MEGF11: variants seen among roughly 807,000 people sequenced by gnomAD.
MEGF11 encodes multiple EGF like domains 11, also known as multiple epidermal growth factor-like domains protein 11.
Under a neutral mutation model 146.6 loss-of-function variants are expected in MEGF11, and 126 were observed. That is an observed-to-expected ratio of 0.86 (90% CI 0.74 to 1.00). The LOEUF is 1.00. MEGF11 is among the 50% of genes least tolerant of loss of function. The pLI, the probability that MEGF11 is intolerant of heterozygous loss-of-function variation, is 0.00. For missense variants in MEGF11, 1,509 were observed against 1,521.2 expected, an observed-to-expected ratio of 0.99 and a Z score of 0.13; for synonymous variants, 532 against 583.4, an observed-to-expected ratio of 0.91 and a Z score of 1.27.
intron 1 of MEGF11, among the ~76,000 whole-genome samples, chr15:66,173,677 G>C (rs1270502553): frequency 6.6e-6 from 1 of 152,054 alleles, no homozygotes; most frequent in Non-Finnish European, 1.5e-5. Flanking sequence ...GCTGTGAACT[G>C]CCTCCCTCCA....
At chr15:65,936,657 A>G (rs2079800371) in intron 10 of MEGF11, among the ~76,000 whole-genome samples, 1 of 152,142 alleles carries the variant, frequency 6.6e-6, no homozygotes, top group Admixed American at 6.5e-5. Flanking sequence ...ACATCCAGGT[A>G]TGTTTCTTTG....
chr15:66,157,486 G>A (rs1733918420), intron 1 of MEGF11, among the ~76,000 whole-genome samples: 1 of 152,178 alleles, frequency 6.6e-6, no homozygotes, highest in Non-Finnish European at 1.5e-5. Flanking sequence ...CAAATCTGGG[G>A]GTGGAGAGAA....
At chr15:66,178,316 G>A (rs1374259655) in intron 1 of MEGF11, among the ~76,000 whole-genome samples, 1 of 152,092 alleles carries the variant, frequency 6.6e-6, no homozygotes, top group African/African-American at 2.4e-5. Flanking sequence ...CTTTTCTCTG[G>A]TCTGCCTCAG....
At chr15:66,024,590 C>G (rs1199499848) in intron 5 of MEGF11, among the ~76,000 whole-genome samples, 1 of 152,186 alleles carries the variant, frequency 6.6e-6, no homozygotes, top group Non-Finnish European at 1.5e-5. Flanking sequence ...GGCATCATTT[C>G]CAAAATGCTG....
chr15:66,165,730 G>A (rs2090080620), intron 1 of MEGF11, among the ~76,000 whole-genome samples: 1 of 152,176 alleles, frequency 6.6e-6, no homozygotes, highest in African/African-American at 2.4e-5. Context: ...AAGGCAGGAA[G>A]AATGGCTCCA....
At chr15:66,209,208 G>A (rs1010999422) in intron 1 of MEGF11, among the ~76,000 whole-genome samples, 1 of 152,104 alleles carries the variant, frequency 6.6e-6, no homozygotes, top group Non-Finnish European at 1.5e-5. Context: ...AAATTAGCCG[G>A]GCGTGGTGGC....
intron 10 of MEGF11, among the ~76,000 whole-genome samples, chr15:65,936,107 G>A (rs1441002103): frequency 1.3e-5 from 2 of 152,148 alleles, no homozygotes; most frequent in East Asian, 1.9e-4. Flanking sequence ...ATGTCCACAC[G>A]TGCTCAGGCA....
At chr15:66,247,856 G>A (rs1259296450) in intron 1 of MEGF11, among the ~76,000 whole-genome samples, 1 of 152,010 alleles carries the variant, frequency 6.6e-6, no homozygotes, top group Non-Finnish European at 1.5e-5. Context: ...GACCAACATG[G>A]AGAAACCCCA....
chr15:66,149,647 T>C (rs1390516387), intron 1 of MEGF11, among the ~76,000 whole-genome samples: 1 of 152,308 alleles, frequency 6.6e-6, no homozygotes, highest in African/African-American at 2.4e-5. Flanking sequence ...AGACAAAATG[T>C]ACTGAGTGAG....
intron 14 of MEGF11, 33 bp downstream of exon 14, chr15:65,922,790 C>CT (rs746741903): frequency 1.9e-6 from 3 of 1,611,404 alleles, no homozygotes; most frequent in South Asian, 2.2e-5. Flanking sequence ...GATTAGCCCT[C>CT]TGAGCTCTTC....
intron 1 of MEGF11, among the ~76,000 whole-genome samples, chr15:66,214,667 G>A (rs1233666408): frequency 6.6e-6 from 1 of 152,154 alleles, no homozygotes; most frequent in Non-Finnish European, 1.5e-5. Flanking sequence ...CTCTCTCCTG[G>A]GAGCTCCCAC....
At chr15:66,114,479 G>A (rs907506691) in intron 4 of MEGF11, among the ~76,000 whole-genome samples, 1 of 152,214 alleles carries the variant, frequency 6.6e-6, no homozygotes, top group East Asian at 1.9e-4. Flanking sequence ...ACTCAGTCCT[G>A]TATCATCTGG....
At chr15:66,018,480 A>C (rs1316555715) in intron 5 of MEGF11, among the ~76,000 whole-genome samples, 1 of 152,206 alleles carries the variant, frequency 6.6e-6, no homozygotes, top group East Asian at 1.9e-4. Context: ...GCAGTGCATG[A>C]AGAGTAAGGT....
intron 4 of MEGF11, among the ~76,000 whole-genome samples, chr15:66,098,602 T>A (rs2086650768): frequency 6.6e-6 from 1 of 152,088 alleles, no homozygotes; most frequent in Non-Finnish European, 1.5e-5. Context: ...CTCCAGCATA[T>A]CATCTCCAGA....
chr15:66,192,053 G>A (rs1336807599), intron 1 of MEGF11, among the ~76,000 whole-genome samples: 2 of 152,114 alleles, frequency 1.3e-5, no homozygotes, highest in Non-Finnish European at 2.9e-5. Flanking sequence ...ACTCCAACCT[G>A]AGCGACACAG....
chr15:66,111,209 C>T (rs1194843311), intron 4 of MEGF11, among the ~76,000 whole-genome samples: 1 of 152,126 alleles, frequency 6.6e-6, no homozygotes, highest in East Asian at 1.9e-4. Flanking sequence ...GTGAAAGCGC[C>T]GGCTAAACCA....
At chr15:66,027,844 T>C (rs1458415516) in intron 5 of MEGF11, among the ~76,000 whole-genome samples, 1 of 152,194 alleles carries the variant, frequency 6.6e-6, no homozygotes, top group African/African-American at 2.4e-5. Context: ...CTAGCGTTCT[T>C]AAGCTCTGCA....
chr15:65,916,885 C>T lies in MEGF11; in HGVS notation c.2158G>A (p.Ala720Thr), dbSNP rs748430207. 1.3e-5 allele frequency: 21 copies of T among 1,584,798 alleles called. No homozygotes were observed. Among genetic ancestry groups the T allele is most frequent in the Middle Eastern group, 1.8e-4 (1 of 5,440 alleles). Residue 720 changes from alanine (A) to threonine (T), a missense_variant, in exon 17 of 26, where the codon GCC (alanine) becomes ACC (threonine). Transcript: ENST00000395614. ...GTGCAGTGGCAGGCCCCGTCCTCGG[C>T]GCTGCAGCTCGCCCCGTTGTGGCAG... ...CSCHNGASCS[A>T]EDGACHCTPG... is the part of the protein sequence containing the mutation.
intron 1 of MEGF11, among the ~76,000 whole-genome samples, chr15:66,207,075 T>A (rs1469049027): frequency 6.6e-6 from 1 of 152,032 alleles, no homozygotes. Context: ...CCATGAAGCA[T>A]GTCAATACAC....
Sources: allele counts gnomAD v4.1 joint callset (sites outside exome capture counted in the v4.1 genomes callset), GRCh38; gene constraint gnomAD v4.1.1; transcripts MANE v1.5; gene names NCBI Gene and HGNC (gene_info 2026-07-23, HGNC 2026-07-21).